Variants in SVEP1 observed in about 807,000 individuals in gnomAD.
The protein encoded by SVEP1 is sushi, von Willebrand factor type A, EGF and pentraxin domain-containing protein 1.
Under a neutral mutation model 367.3 loss-of-function variants are expected in SVEP1, and 164 were observed. The ratio of observed to expected loss-of-function variants is 0.45; its 90% CI spans 0.39 to 0.51. The LOEUF (loss-of-function observed/expected upper bound fraction) is 0.51. Among genes scored for constraint, SVEP1 ranks in the 20% least tolerant of loss-of-function variants. The probability of loss-of-function intolerance (pLI) is 0.00; values close to 1 mark genes in which losing one functional copy is unlikely to be tolerated. For synonymous variants in SVEP1, 1,666 were observed against 1,611.6 expected, an observed-to-expected ratio of 1.03 and a Z score of -0.81; for missense variants, 4,117 against 4,425.3, an observed-to-expected ratio of 0.93 and a Z score of 1.98.
At chr9:110,448,174 C>CGT (rs540440430) in intron 24 of SVEP1, among the ~76,000 whole-genome samples, 100 of 142,318 alleles carry the variant, frequency 7.0e-4, no homozygotes, top group South Asian at 4.6e-3. Context: ...CGCGCGCTCG[C>CGT]GCGTGTGTAT....
At chr9:110,493,257 A>G (rs796470531) in intron 8 of SVEP1, among the ~76,000 whole-genome samples, 15 of 152,144 alleles carry the variant, frequency 9.9e-5, no homozygotes, top group African/African-American at 3.6e-4. Context: ...GAATGTGCAC[A>G]TGGACTACAC....
chr9:110,386,101 C>G (rs770281052), intron 42 of SVEP1, 27 bp from the exon 43 acceptor site: 13 of 1,594,202 alleles, frequency 8.2e-6, no homozygotes, highest in Non-Finnish European at 1.1e-5. Context: ...AAAATGCTTA[C>G]TGATATTTCC....
At chr9:110,374,763 T>A (rs1827324016) in intron 46 of SVEP1, among the ~76,000 whole-genome samples, 1 of 152,214 alleles carries the variant, frequency 6.6e-6, no homozygotes, top group Non-Finnish European at 1.5e-5. Flanking sequence ...AGGAAAGCAG[T>A]ACGGCGATTC....
chr9:110,564,292 A>G (rs971688002), intron 1 of SVEP1, among the ~76,000 whole-genome samples: 5 of 152,232 alleles, frequency 3.3e-5, no homozygotes, highest in Admixed American at 3.3e-4. Flanking sequence ...AATGTGATTT[A>G]TGATTCAAAG....
intron 1 of SVEP1, among the ~76,000 whole-genome samples, chr9:110,561,417 A>G (rs1830425707): frequency 6.6e-6 from 1 of 152,218 alleles, no homozygotes; most frequent in Non-Finnish European, 1.5e-5. Flanking sequence ...TATGGCAGGA[A>G]TTGAATCTTA....
intron 27 of SVEP1, among the ~76,000 whole-genome samples, chr9:110,440,685 T>C (rs936982268): frequency 2.6e-5 from 4 of 152,166 alleles, no homozygotes; most frequent in Non-Finnish European, 5.9e-5. Context: ...GTTAATCTCA[T>C]GCAGAAGGAA....
intron 3 of SVEP1, among the ~76,000 whole-genome samples, chr9:110,545,899 C>T (rs986692564): frequency 6.6e-6 from 1 of 152,140 alleles, no homozygotes; most frequent in Non-Finnish European, 1.5e-5. Context: ...GACACCCAAA[C>T]ACATAAGAGA....
intron 16 of SVEP1, among the ~76,000 whole-genome samples, 174 bp downstream of exon 16, chr9:110,471,190 C>G (rs1222696746): frequency 2.0e-5 from 3 of 152,134 alleles, no homozygotes; most frequent in African/African-American, 7.2e-5. Flanking sequence ...GATTTCCTGT[C>G]CCTACCAACA....
At chr9:110,394,923 ACT>A (rs1827732565) in intron 40 of SVEP1, among the ~76,000 whole-genome samples, 2 of 152,234 alleles carry the variant, frequency 1.3e-5, no homozygotes, top group South Asian at 4.1e-4. Flanking sequence ...GTTGGAAAAC[ACT>A]CTGCAGGATA....
intron 2 of SVEP1, among the ~76,000 whole-genome samples, chr9:110,547,401 A>T (rs1010639152): frequency 6.6e-6 from 1 of 152,168 alleles, no homozygotes; most frequent in Admixed American, 6.5e-5. Context: ...TGTCTCTACA[A>T]AAACAATAAC....
At chr9:110,390,351 T>TTA (rs369833308) in intron 40 of SVEP1, among the ~76,000 whole-genome samples, 1 of 27,306 alleles carries the variant, frequency 3.7e-5, no homozygotes, top group African/African-American at 1.9e-4. Context: ...TTATATACAC[T>TTA]TATATATATA....
rs796498730 is a variant in SVEP1 at position 110,390,287 on chromosome 9, A to T, written c.9823-700T>A. Among the ~76,000 whole-genome samples, 17 of 21,186 alleles carry T rather than the reference A, an allele frequency of 8.0e-4. 1 individual carries two copies. The highest frequency in any genetic ancestry group is 2.0e-3 in the African/African-American group (5 of 2,490). The allele number at this position is 21,186 out of a possible 152,430, so 13.9% of individuals were successfully genotyped here. The stretch of plus-strand genomic sequence containing the variant: ...TGTATATATATACTTATATATATAC[A>T]TACTTATATATACTTATATAAGTAT... On this transcript the variant is annotated intron_variant, in intron 40 of 47. Transcript: ENST00000374469.
At chr9:110,511,944 A>G (rs1404887278) in intron 5 of SVEP1, among the ~76,000 whole-genome samples, 1 of 152,162 alleles carries the variant, frequency 6.6e-6, no homozygotes, top group Non-Finnish European at 1.5e-5. Flanking sequence ...AAAAATGACT[A>G]GTGGATGTGG....
chr9:110,549,479 T>C (rs536478896), intron 2 of SVEP1, among the ~76,000 whole-genome samples: 3 of 152,300 alleles, frequency 2.0e-5, no homozygotes, highest in Non-Finnish European at 2.9e-5. Flanking sequence ...TCACTGAGCA[T>C]GTCTCTGAAT....
chr9:110,453,058 T>TTA (rs1828716643), intron 22 of SVEP1, among the ~76,000 whole-genome samples: 1 of 152,186 alleles, frequency 6.6e-6, no homozygotes, highest in Non-Finnish European at 1.5e-5. Context: ...TTAAACATTT[T>TTA]TATGTCTTTA....
chr9:110,403,272 G>GA (rs1308343339), intron 39 of SVEP1, among the ~76,000 whole-genome samples: 5 of 126,284 alleles, frequency 4.0e-5, no homozygotes, highest in Non-Finnish European at 6.3e-5. Context: ...TGTCTACGGT[G>GA]ATGATTCCTT....
intron 8 of SVEP1, among the ~76,000 whole-genome samples, chr9:110,492,383 G>A (rs1281122116): frequency 3.3e-5 from 5 of 151,852 alleles, no homozygotes; most frequent in Admixed American, 1.3e-4. Flanking sequence ...AACTATAAGC[G>A]GCTGAAAAGT....
chr9:110,394,354 G>A (rs7027386), intron 40 of SVEP1, among the ~76,000 whole-genome samples: 40,031 of 151,958 alleles, frequency 0.26, 5,614 homozygotes, highest in Middle Eastern at 0.38. Context: ...CCATCTGTAC[G>A]TCACCATCAT....
chr9:110,411,063 C>T lies in SVEP1; in HGVS notation c.6648G>A (p.Glu2216=). ...EPPKVENGFL[E]HTTGRIFESE... The stretch of plus-strand genomic sequence containing the variant: ...GACCATTTGCTAATTGGTCTCTTAC[C>T]TCCAGAAAGCCATTCTCAACCTTAG... The change falls in exon 37 of 48, where the codon GAG becomes GAA. Residue 2216 remains glutamate, a splice_region_variant and synonymous_variant. Coordinates refer to ENST00000374469, the MANE Select transcript of SVEP1 (RefSeq NM_153366.4). 1.3e-6 allele frequency: 2 copies of T among 1,555,206 alleles called. No homozygotes were observed. Among genetic ancestry groups the T allele is most frequent in the Non-Finnish European group, 1.7e-6 (2 of 1,148,932 alleles).
Sources: allele counts gnomAD v4.1 joint callset (sites outside exome capture counted in the v4.1 genomes callset), GRCh38; gene constraint gnomAD v4.1.1; transcripts MANE v1.5; gene names NCBI Gene and HGNC (gene_info 2026-07-23, HGNC 2026-07-21).